The following FBXL7 variants were observed in gnomAD, a reference collection of about 807,000 sequenced individuals.
The protein encoded by FBXL7 is F-box and leucine rich repeat protein 7.
In FBXL7, 12 loss-of-function variants were observed where a neutral mutation model predicts 38.3. That is an observed-to-expected ratio of 0.31 (90% CI 0.20 to 0.51). The LOEUF (loss-of-function observed/expected upper bound fraction) is 0.51. Among genes scored for constraint, FBXL7 ranks in the 20% least tolerant of loss-of-function variants. The probability of loss-of-function intolerance (pLI) is 0.98; values close to 1 mark genes in which losing one functional copy is unlikely to be tolerated. For synonymous variants in FBXL7, 297 were observed against 300.9 expected, an observed-to-expected ratio of 0.99 and a Z score of 0.13; for missense variants, 567 against 676.4, an observed-to-expected ratio of 0.84 and a Z score of 1.79.
At chr5:15,599,158 T>A (rs184536750) in intron 1 of FBXL7, among the ~76,000 whole-genome samples, 1 of 152,180 alleles carries the variant, frequency 6.6e-6, no homozygotes, top group East Asian at 1.9e-4. Context: ...GCAAGGACAG[T>A]GGAAGAGACA....
intron 2 of FBXL7, among the ~76,000 whole-genome samples, chr5:15,770,238 C>T (rs375719939): frequency 6.8e-4 from 103 of 152,224 alleles, no homozygotes; most frequent in African/African-American, 2.3e-3. Flanking sequence ...CCTGATTTTC[C>T]GTAGGGCCCC....
intron 2 of FBXL7, among the ~76,000 whole-genome samples, chr5:15,870,554 A>G (rs566912764): frequency 1.6e-4 from 25 of 152,250 alleles, no homozygotes; most frequent in African/African-American, 5.8e-4. Flanking sequence ...TTTAGTAAGA[A>G]AAAGATGGTG....
chr5:15,602,857 A>T (rs934032102), intron 1 of FBXL7, among the ~76,000 whole-genome samples: 3 of 152,138 alleles, frequency 2.0e-5, no homozygotes, highest in African/African-American at 4.8e-5. Context: ...TTTTTTAGAG[A>T]CAGGGTCTCT....
chr5:15,860,646 T>C (rs1739436117), intron 2 of FBXL7, among the ~76,000 whole-genome samples: 1 of 152,208 alleles, frequency 6.6e-6, no homozygotes, highest in South Asian at 2.1e-4. Context: ...ATCAGTGTAT[T>C]AATTTCCCTT....
At chr5:15,586,511 TA>T (rs1479490755) in intron 1 of FBXL7, among the ~76,000 whole-genome samples, 1 of 151,956 alleles carries the variant, frequency 6.6e-6, no homozygotes, top group Non-Finnish European at 1.5e-5. Context: ...AAAACAAGGT[TA>T]TTACTTTTGG....
At chr5:15,596,762 A>G (rs1175137676) in intron 1 of FBXL7, among the ~76,000 whole-genome samples, 3 of 152,176 alleles carry the variant, frequency 2.0e-5, no homozygotes, top group Non-Finnish European at 4.4e-5. Context: ...TGAAGCCTCC[A>G]TAAGACTCAA....
At chr5:15,740,252 G>A (rs1370198883) in intron 2 of FBXL7, among the ~76,000 whole-genome samples, 1 of 152,100 alleles carries the variant, frequency 6.6e-6, no homozygotes, top group Non-Finnish European at 1.5e-5. Flanking sequence ...CTAGCCTATG[G>A]AACCTTCCAT....
chr5:15,902,484 A>C (rs1741254808), intron 2 of FBXL7, among the ~76,000 whole-genome samples: 1 of 152,256 alleles, frequency 6.6e-6, no homozygotes, highest in Admixed American at 6.5e-5. Context: ...TTTGATTAAA[A>C]GAAAAAAGTG....
intron 1 of FBXL7, among the ~76,000 whole-genome samples, chr5:15,528,958 G>A (rs1249592089): frequency 6.6e-6 from 1 of 151,992 alleles, no homozygotes; most frequent in Non-Finnish European, 1.5e-5. Context: ...TACTCTCTTA[G>A]CAATTTTTAA....
At chr5:15,719,423 G>T (rs1004006879) in intron 2 of FBXL7, among the ~76,000 whole-genome samples, 1 of 123,312 alleles carries the variant, frequency 8.1e-6, no homozygotes, top group Admixed American at 8.3e-5. Flanking sequence ...ATACAAACAA[G>T]ATATCCTATA....
intron 2 of FBXL7, among the ~76,000 whole-genome samples, chr5:15,690,568 T>C (rs1217433590): frequency 6.6e-6 from 1 of 152,240 alleles, no homozygotes; most frequent in East Asian, 1.9e-4. Flanking sequence ...TTGTAGCTAT[T>C]GTGAAATATA....
intron 2 of FBXL7, among the ~76,000 whole-genome samples, chr5:15,724,295 G>A (rs1418911718): frequency 2.0e-5 from 3 of 152,112 alleles, no homozygotes; most frequent in Non-Finnish European, 4.4e-5. Flanking sequence ...ATTTTTGGTT[G>A]CTGGTACAAA....
intron 2 of FBXL7, among the ~76,000 whole-genome samples, chr5:15,747,304 C>A (rs150643812): frequency 7.2e-5 from 11 of 152,160 alleles, no homozygotes; most frequent in Non-Finnish European, 1.3e-4. Context: ...CATGGTGGTA[C>A]GGCTCTACCA....
intron 1 of FBXL7, among the ~76,000 whole-genome samples, chr5:15,553,426 C>T (rs991708197): frequency 4.6e-5 from 7 of 152,188 alleles, no homozygotes; most frequent in Non-Finnish European, 8.8e-5. Context: ...CAGTTGCTTA[C>T]CCAAGTTGTA....
intron 2 of FBXL7, among the ~76,000 whole-genome samples, chr5:15,729,270 G>A (rs147435393): frequency 6.6e-6 from 1 of 152,080 alleles, no homozygotes; most frequent in African/African-American, 2.4e-5. Context: ...AGTTTATTTT[G>A]CAGTTTCTGA....
chr5:15,646,052 A>T (rs1741523911), intron 2 of FBXL7, among the ~76,000 whole-genome samples: 1 of 152,180 alleles, frequency 6.6e-6, no homozygotes, highest in Admixed American at 6.5e-5. Context: ...CAATTAACCC[A>T]CCAACATGGT....
At chr5:15,720,460 G>A (rs1744163357) in intron 2 of FBXL7, among the ~76,000 whole-genome samples, 1 of 148,398 alleles carries the variant, frequency 6.7e-6, no homozygotes. Flanking sequence ...ACCATATTGT[G>A]CCTGATTACC....
chr5:15,642,865 A>C (rs1012905452), intron 2 of FBXL7, among the ~76,000 whole-genome samples: 1 of 152,240 alleles, frequency 6.6e-6, no homozygotes, highest in Non-Finnish European at 1.5e-5. Context: ...TCATTTCATG[A>C]TCTTAATTTA....
intron 2 of FBXL7, among the ~76,000 whole-genome samples, chr5:15,632,227 C>T (rs900499789): frequency 6.6e-6 from 1 of 152,090 alleles, no homozygotes; most frequent in African/African-American, 2.4e-5. Context: ...TTATACCTTA[C>T]AACTAGGAAA....
Sources: gnomAD v4.1 joint callset for allele counts (sites outside exome capture counted in the v4.1 genomes callset) on GRCh38, gnomAD v4.1.1 for gene constraint, MANE v1.5 for transcripts, NCBI Gene and HGNC (gene_info 2026-07-23, HGNC 2026-07-21) for gene names.